SRSF9: variants seen among roughly 807,000 people sequenced by gnomAD.
SRSF9 encodes serine/arginine-rich splicing factor 9.
Under a neutral mutation model 25.9 loss-of-function variants are expected in SRSF9, and 3 were observed. The ratio of observed to expected loss-of-function variants is 0.12; its 90% CI spans 0.05 to 0.30. SRSF9 has a LOEUF of 0.30. SRSF9 is among the 10% of genes least tolerant of loss of function. SRSF9 has a pLI of 1.00. For synonymous variants in SRSF9, 114 were observed against 113.2 expected, an observed-to-expected ratio of 1.01 and a Z score of -0.05; for missense variants, 161 against 303.5, an observed-to-expected ratio of 0.53 and a Z score of 3.49.
At chr12:120,464,361 G>C in intron 2 of SRSF9, 1 of 408,832 alleles carries the variant, frequency 2.4e-6, no homozygotes, top group Non-Finnish European at 4.3e-6. Context: ...TTTCAACAGA[G>C]CAAGAAGTCC....
chr12:120,464,090 TC>T lies in SRSF9; in HGVS notation c.381del (p.Lys128ArgfsTer106). The T allele has an allele frequency of 6.2e-7, 1 of 1,613,956 alleles. No individual in the cohort carries two copies. Among genetic ancestry groups the T allele is most frequent in the Non-Finnish European group, 8.5e-7 (1 of 1,179,912 alleles). ...GLPPSGSWQD[L>X]KDHMREAGDV... is the part of the protein sequence containing the mutation. ...TCCCCAGCTTCTCGCATGTGATCCT[TC>T]AGGTCCTGCCAGCTGCCTGACGGAG... On this transcript the variant is annotated frameshift_variant, in exon 3 of 4. Coordinates refer to ENST00000229390, the MANE Select transcript of SRSF9 (RefSeq NM_003769.3). LOFTEE classifies it high-confidence loss of function.
intron 3 of SRSF9, chr12:120,463,663 A>T (rs2137049504): frequency 3.9e-6 from 1 of 257,976 alleles, no homozygotes. Flanking sequence ...GACCGACTGC[A>T]CTAGTATTCT....
intron 2 of SRSF9, chr12:120,464,743 G>A (rs1592991587): frequency 2.0e-5 from 3 of 152,242 alleles, no homozygotes. Context: ...CTGATGTCAT[G>A]AAAGGGAAAT....
Position 120,469,468 on chromosome 12 carries a change from G to A in SRSF9, c.142C>T (p.Arg48Trp), listed in dbSNP as rs11548262. 1.3e-6 allele frequency: 2 copies of A among 1,599,124 alleles called. No homozygotes were observed. The highest frequency in any genetic ancestry group is 8.5e-7 in the Non-Finnish European group (1 of 1,174,066). Residue 48 changes from arginine (R) to tryptophan (W), a missense_variant, in exon 1 of 4, where the codon CGG (arginine) becomes TGG (tryptophan). Arg to Trp is a moderately radical substitution (Grantham distance 101). Transcript: ENST00000229390. ...GRIREIELKN[R>W]HGLVPFAFVR... ...AAGGCGAAGGGCACGAGGCCGTGCC[G>A]GTTCTTGAGCTCGATCTCGCGGATG...
chr12:120,466,906 A>G (rs556515686), intron 1 of SRSF9, among the ~76,000 whole-genome samples: 21 of 152,316 alleles, frequency 1.4e-4, no homozygotes, highest in Non-Finnish European at 2.8e-4. Context: ...CTTTGGATAC[A>G]ATTTTGCCAA....
chr12:120,465,695 C>A lies in SRSF9; in HGVS notation c.281G>T (p.Gly94Val). ...ATTCCTCCCACCACGGGGCCACCCA[C>A]CCCGACCTCCATAAGTCCTGGGGAA... ...VEFPRTYGGR[G>V]GWPRGGRNGP... The change falls in exon 2 of 4, where the codon GGT becomes GTT. Residue 94 changes from glycine (G) to valine (V), a missense_variant. Transcript: ENST00000229390. 6.2e-7 allele frequency: 1 copy of A among 1,604,474 alleles called. No individual in the cohort carries two copies. The highest frequency in any genetic ancestry group is 8.5e-7 in the Non-Finnish European group (1 of 1,176,984).
intron 1 of SRSF9, among the ~76,000 whole-genome samples, chr12:120,468,950 C>T (rs918312929): frequency 5.9e-5 from 9 of 151,922 alleles, no homozygotes; most frequent in Non-Finnish European, 1.0e-4. Flanking sequence ...GCTATTCCAC[C>T]AGAGATCCCT....
intron 1 of SRSF9, among the ~76,000 whole-genome samples, chr12:120,468,225 G>A (rs1266760878): frequency 1.3e-5 from 2 of 151,618 alleles, no homozygotes; most frequent in African/African-American, 4.8e-5. Context: ...CTGAGCTCAG[G>A]AGTTCCAGAC....
intron 3 of SRSF9, chr12:120,463,297 G>A (rs1303713902): frequency 1.3e-5 from 2 of 152,244 alleles, no homozygotes; most frequent in African/African-American, 4.8e-5. Flanking sequence ...GCCTGGCACA[G>A]TGGTGCATGC....
intron 1 of SRSF9, among the ~76,000 whole-genome samples, chr12:120,468,206 G>A (rs1193533870): frequency 6.6e-6 from 1 of 151,630 alleles, no homozygotes; most frequent in East Asian, 2.0e-4. Context: ...GCTGAGACGG[G>A]AGAATCACCT....
chr12:120,463,740 A>G (rs767105261), intron 3 of SRSF9: 3 of 522,976 alleles, frequency 5.7e-6, no homozygotes, highest in Non-Finnish European at 9.9e-6. Context: ...AAAGCATATT[A>G]AAAAACAAAC....
Position 120,469,418 on chromosome 12 carries a change from T to G in SRSF9, c.188+4A>C, listed in dbSNP as rs1454694785. On this transcript the variant is annotated splice_donor_region_variant and intron_variant, in intron 1 of 3. Coordinates refer to ENST00000229390, the MANE Select transcript of SRSF9 (RefSeq NM_003769.3). ...AGGAGAGGGCAGGGGCGCGGGGGCC[T>G]CACCGGGGGTCCTCGAAGCGCACGA... 3.8e-6 allele frequency: 6 copies of G among 1,575,980 alleles called. No individual in the cohort carries two copies. Among genetic ancestry groups the G allele is most frequent in the Non-Finnish European group, 5.2e-6 (6 of 1,162,086 alleles).
At chr12:120,466,693 C>T (rs1281967528) in intron 1 of SRSF9, among the ~76,000 whole-genome samples, 1 of 152,138 alleles carries the variant, frequency 6.6e-6, no homozygotes, top group Non-Finnish European at 1.5e-5. Context: ...TGTACCACTG[C>T]ACCCAGCTAA....
chr12:120,464,311 G>A, intron 2 of SRSF9, 189 bp from the exon 3 acceptor site: 1 of 563,628 alleles, frequency 1.8e-6, no homozygotes, highest in Non-Finnish European at 2.9e-6. Context: ...GAACCACCTT[G>A]AGAAGCTGGT....
chr12:120,465,569 C>G, intron 2 of SRSF9, 58 bp downstream of exon 2: 1 of 1,504,502 alleles, frequency 6.6e-7, no homozygotes, highest in Middle Eastern at 1.7e-4. Flanking sequence ...TCTTGGAAGA[C>G]AGACTCTGTG....
intron 3 of SRSF9, chr12:120,462,498 G>A (rs1339739685): frequency 5.2e-6 from 1 of 193,526 alleles, no homozygotes; most frequent in Non-Finnish European, 1.1e-5. Flanking sequence ...AACTGGAAAG[G>A]ATCTCAGGGG....
chr12:120,468,936 G>A (rs898496150), intron 1 of SRSF9, among the ~76,000 whole-genome samples: 2 of 151,752 alleles, frequency 1.3e-5, no homozygotes, highest in African/African-American at 2.4e-5. Flanking sequence ...CGCGCGAACG[G>A]CGAGCTATTC....
At chr12:120,468,229 T>C (rs1420929859) in intron 1 of SRSF9, among the ~76,000 whole-genome samples, 1 of 151,464 alleles carries the variant, frequency 6.6e-6, no homozygotes, top group African/African-American at 2.4e-5. Context: ...GCTCAGGAGT[T>C]CCAGACCAGC....
Position 120,464,078 on chromosome 12 carries a change from G to A in SRSF9, c.394C>T (p.Arg132Ter). 1 of 1,613,964 alleles carries A rather than the reference G, an allele frequency of 6.2e-7. No homozygotes were observed. The highest frequency in any genetic ancestry group is 8.5e-7 in the Non-Finnish European group (1 of 1,179,942). ...GSWQDLKDHM[R>*]EAGDVCYADV... ...GCATAACAGACATCCCCAGCTTCTC[G>A]CATGTGATCCTTCAGGTCCTGCCAG... The change falls in exon 3 of 4, where the codon CGA becomes TGA. Residue 132 changes from arginine (R) to a stop codon, truncating the protein, a stop_gained. Transcript: ENST00000229390. LOFTEE classifies it high-confidence loss of function.
Sources: gnomAD v4.1 joint callset for allele counts (sites outside exome capture counted in the v4.1 genomes callset) on GRCh38, gnomAD v4.1.1 for gene constraint, MANE v1.5 for transcripts, NCBI Gene and HGNC (gene_info 2026-07-23, HGNC 2026-07-21) for gene names.